The following LRIF1 variants were observed in gnomAD, a reference collection of about 807,000 sequenced individuals.
LRIF1 encodes the protein ligand-dependent nuclear receptor-interacting factor 1.
LRIF1 carries 32 observed loss-of-function variants against 52.7 expected under a neutral mutation model. That is an observed-to-expected ratio of 0.61 (90% CI 0.46 to 0.82). The LOEUF (loss-of-function observed/expected upper bound fraction) is 0.82, where lower values mean the gene tolerates loss of function less well. Ranked by LOEUF, LRIF1 falls within the 40% of genes least tolerant of loss-of-function variation. LRIF1 has a pLI of 0.00. For synonymous variants in LRIF1, 323 were observed against 317.4 expected (o/e 1.02, Z -0.19); for missense variants, 887 against 892.0 (o/e 0.99, Z 0.07).
rs1478835692 is a variant in LRIF1, at chr1:110,957,011, T to C, written c.69-4196A>G. 3.9e-5 allele frequency among the ~76,000 whole-genome samples: 6 copies of C among 152,242 alleles called. 1 individual carries two copies. Among genetic ancestry groups the C allele is most frequent in the African/African-American group, 9.6e-5 (4 of 41,528 alleles). Reference sequence around the variant, plus strand: ...ACTAATTATCCCTCCATATTGATCCTCTTACCTATCATAGTTTCCACTGTG... The same window carrying C: ...ACTAATTATCCCTCCATATTGATCCCCTTACCTATCATAGTTTCCACTGTG... On this transcript the variant is annotated intron_variant, in intron 1 of 3. Transcript: ENST00000369763.
the LRIF1 span, among the ~76,000 whole-genome samples, chr1:110,919,595 C>CA: frequency 5.3e-5 from 8 of 151,640 alleles, no homozygotes; most frequent in Non-Finnish European, 7.4e-5. Flanking sequence ...AACCTCCAAA[C>CA]AAAAAAAAGA....
rs1658500060 is a variant in LRIF1 at position 110,951,990 on chromosome 1, C to T, written c.894G>A (p.Gln298=). The T allele has an allele frequency of 1.9e-6, 3 of 1,614,008 alleles. No homozygotes were observed. Among genetic ancestry groups the T allele is most frequent in the South Asian group, 1.1e-5 (1 of 91,086 alleles). Residue 298 remains glutamine (Q), a synonymous_variant, in exon 2 of 4, where the codon CAG becomes CAA. Coordinates refer to ENST00000369763, the MANE Select transcript of LRIF1 (RefSeq NM_018372.4). Reference sequence around the variant, plus strand: ...CAGGAACAAGAGATGGCGTAAAAGGCTGTAGATTATCTTGGAAAATCCATT... The same window carrying T: ...CAGGAACAAGAGATGGCGTAAAAGGTTGTAGATTATCTTGGAAAATCCATT... ...PVKWIFQDNL[Q]PFTPSLVPVK... is the part of the protein sequence containing the mutation.
At chr1:110,940,918 A>G in the LRIF1 span, 8 of 152,136 alleles carry the variant, frequency 5.3e-5, no homozygotes, top group Admixed American at 5.2e-4. Context: ...TTGATAGCAC[A>G]ATAGCATGAC....
intron 1 of LRIF1, among the ~76,000 whole-genome samples, chr1:110,963,150 G>A (rs182480202): frequency 8.5e-5 from 13 of 152,122 alleles, no homozygotes; most frequent in Non-Finnish European, 1.2e-4. Context: ...TTAAATATTC[G>A]ATCTCCTCAT....
the LRIF1 span, among the ~76,000 whole-genome samples, chr1:110,932,564 T>C: frequency 6.6e-6 from 1 of 152,174 alleles, no homozygotes; most frequent in Non-Finnish European, 1.5e-5. Context: ...ATCTATGAAT[T>C]ACCTTGGGCA....
chr1:110,949,975 A>G lies in LRIF1; in HGVS notation c.1745T>C (p.Val582Ala). ...KIFGLTKDLR[V>A]CLTRIPDHLT... ...ATGGTCAGGAATTCGAGTAAGGCAC[A>G]CTCTCAAATCCTTAGTAAGGCCAAA... The change falls in exon 3 of 4, where the codon GTG (valine) becomes GCG (alanine). Residue 582 changes from valine to alanine, a missense_variant. Transcript: ENST00000369763. 6.2e-7 allele frequency: 1 copy of G among 1,614,096 alleles called. No individual in the cohort carries two copies. Among genetic ancestry groups the G allele is most frequent in the African/African-American group, 1.3e-5 (1 of 75,022 alleles).
At chr1:110,922,816 T>A in the LRIF1 span, among the ~76,000 whole-genome samples, 1 of 152,236 alleles carries the variant, frequency 6.6e-6, no homozygotes, top group South Asian at 2.1e-4. Context: ...TCTGCATGCA[T>A]TAAGGGAGAA....
At chr1:110,888,328 C>T in the LRIF1 span, among the ~76,000 whole-genome samples, 9 of 152,182 alleles carry the variant, frequency 5.9e-5, no homozygotes, top group East Asian at 1.9e-4. Flanking sequence ...TTGTACATTG[C>T]GGTGTCCTGT....
At chr1:110,954,784 T>C (rs1658628801) in intron 1 of LRIF1, among the ~76,000 whole-genome samples, 1 of 152,206 alleles carries the variant, frequency 6.6e-6, no homozygotes, top group Non-Finnish European at 1.5e-5. Context: ...TTTCTGTGCA[T>C]TCTTATATTT....
the LRIF1 span, among the ~76,000 whole-genome samples, chr1:110,882,054 C>T: frequency 6.6e-6 from 1 of 152,098 alleles, no homozygotes; most frequent in African/African-American, 2.4e-5. Flanking sequence ...ATATTTTGTC[C>T]CTTCTGTGCC....
At chr1:110,913,441 G>A in the LRIF1 span, among the ~76,000 whole-genome samples, 1 of 152,044 alleles carries the variant, frequency 6.6e-6, no homozygotes, top group African/African-American at 2.4e-5. Context: ...AATTTATAAG[G>A]AACTTAAATT....
chr1:110,880,688 C>G, the LRIF1 span, among the ~76,000 whole-genome samples: 15 of 152,276 alleles, frequency 9.9e-5, no homozygotes, highest in African/African-American at 3.6e-4. Flanking sequence ...CATGTTCATT[C>G]CACTACATCA....
chr1:110,915,785 A>AT, the LRIF1 span, among the ~76,000 whole-genome samples: 5 of 152,200 alleles, frequency 3.3e-5, no homozygotes, highest in South Asian at 1.0e-3. Context: ...TGTCTTATTC[A>AT]TTTTTTAGAT....
the LRIF1 span, among the ~76,000 whole-genome samples, chr1:110,929,881 G>A: frequency 6.6e-6 from 1 of 152,138 alleles, no homozygotes; most frequent in Non-Finnish European, 1.5e-5. Flanking sequence ...GGAGGAAAGA[G>A]AGGAACAGAA....
the LRIF1 span, among the ~76,000 whole-genome samples, chr1:110,901,499 A>G: frequency 4.3e-5 from 3 of 69,192 alleles, no homozygotes; most frequent in Middle Eastern, 0.03. Flanking sequence ...TTTTTTTTAG[A>G]CGGAGTCTCA....
Position 110,951,398 on chromosome 1 carries a change from T to C in LRIF1, c.1486A>G (p.Ile496Val). 1.2e-6 allele frequency: 2 copies of C among 1,614,168 alleles called. No individual in the cohort carries two copies. The highest frequency in any genetic ancestry group is 1.7e-6 in the Non-Finnish European group (2 of 1,180,002). The part of the protein sequence containing the change: ...HNAPRKVTAV[I>V]YARKGSVLQS... The stretch of plus-strand genomic sequence containing the variant: ...AGGACACTTCCTTTTCTAGCATAAA[T>C]GACGGCTGTTACTTTTCTGGGGGCA... The change falls in exon 2 of 4, where the codon ATT becomes GTT. Residue 496 changes from isoleucine (I) to valine (V), a missense_variant. Transcript: ENST00000369763.
chr1:110,963,601 G>A lies in LRIF1; in HGVS notation c.68+20C>T. 1.9e-6 allele frequency: 3 copies of A among 1,598,038 alleles called. No homozygotes were observed. Among genetic ancestry groups the A allele is most frequent in the Non-Finnish European group, 2.6e-6 (3 of 1,167,436 alleles). On this transcript the variant is annotated intron_variant, in intron 1 of 3. Transcript: ENST00000369763. Reference sequence around the variant, plus strand: ...CGGACAGAGGGGCAGCCGTGGGGAGGATTCGAAACCGGTACTTACCAACGC... The same window carrying A: ...CGGACAGAGGGGCAGCCGTGGGGAGAATTCGAAACCGGTACTTACCAACGC...
chr1:110,935,705 A>G, the LRIF1 span, among the ~76,000 whole-genome samples: 1 of 152,200 alleles, frequency 6.6e-6, no homozygotes, highest in South Asian at 2.1e-4. Context: ...GATCTAGAAA[A>G]TAGCCTCAGA....
intron 1 of LRIF1, among the ~76,000 whole-genome samples, chr1:110,962,566 A>C (rs17639720): frequency 0.21 from 31,585 of 151,898 alleles, 3,520 homozygotes; most frequent in Non-Finnish European, 0.25. Flanking sequence ...TAATAGTAAT[A>C]GTTAACATTT....
Sources: gnomAD v4.1 joint callset for allele counts (sites outside exome capture counted in the v4.1 genomes callset) on GRCh38, gnomAD v4.1.1 for gene constraint, MANE v1.5 for transcripts, NCBI Gene and HGNC (gene_info 2026-07-23, HGNC 2026-07-21) for gene names.